DMD: variants seen among roughly 807,000 people sequenced by gnomAD.
The protein encoded by DMD is mutant dystrophin.
DMD carries 63 observed loss-of-function variants against 330.1 expected under a neutral mutation model. The ratio of observed to expected loss-of-function variants is 0.19; its 90% CI spans 0.16 to 0.24. The LOEUF (loss-of-function observed/expected upper bound fraction) is 0.24, where lower values mean the gene tolerates loss of function less well. Among genes scored for constraint, DMD ranks in the 10% least tolerant of loss-of-function variants. The pLI, the probability that DMD is intolerant of heterozygous loss-of-function variation, is 1.00. For synonymous variants in DMD, 1,223 were observed against 959.8 expected (o/e 1.27, Z -5.07); for missense variants, 3,344 against 2,684.1 (o/e 1.25, Z -5.43).
At chrX:33,017,411 A>G (rs755000032) in intron 2 of DMD, among the ~76,000 whole-genome samples, 109 of 111,409 alleles carry the variant, frequency 9.8e-4, no homozygotes, top group Non-Finnish European at 1.9e-3. Context: ...AAAAATGAAT[A>G]TGAGTTAGAT....
intron 1 of DMD, among the ~76,000 whole-genome samples, chrX:33,177,600 G>T (rs1157105482): frequency 9.0e-6 from 1 of 110,685 alleles, no homozygotes; most frequent in Non-Finnish European, 1.9e-5. Context: ...TGGCCAGGTT[G>T]GTCTCGAACT....
intron 1 of DMD, among the ~76,000 whole-genome samples, chrX:33,291,148 G>A (rs2053505270): frequency 9.0e-6 from 1 of 111,322 alleles, no homozygotes; most frequent in South Asian, 3.7e-4. Flanking sequence ...CAGCACCAAT[G>A]ACAAAAACTA....
chrX:31,522,363 C>CTCTCTCTCTCTATATA, intron 55 of DMD, among the ~76,000 whole-genome samples: 11 of 35,962 alleles, frequency 3.1e-4, no homozygotes, highest in Non-Finnish European at 3.8e-4. Context: ...CTCTCTCTCT[C>CTCTCTCTCTCTATATA]TATATATATA....
At chrX:32,507,096 AT>A (rs1392095789) in intron 18 of DMD, among the ~76,000 whole-genome samples, 14 of 112,033 alleles carry the variant, frequency 1.2e-4, no homozygotes, top group African/African-American at 4.2e-4. Context: ...AGGAGAAAAA[AT>A]AAGCACATTT....
chrX:32,829,007 A>T (rs1389249505), intron 4 of DMD, among the ~76,000 whole-genome samples: 2 of 111,601 alleles, frequency 1.8e-5, no homozygotes, highest in Non-Finnish European at 3.8e-5. Flanking sequence ...CTTGGTAAAT[A>T]AGAGATAACA....
chrX:31,803,676 TTCTCTC>T (rs747729240), intron 50 of DMD, among the ~76,000 whole-genome samples: 5 of 87,784 alleles, frequency 5.7e-5, no homozygotes, highest in East Asian at 3.9e-4. Flanking sequence ...CTTTCTCTGT[TTCTCTC>T]TCTCTCTCTC....
chrX:32,272,799 C>T (rs331347), intron 43 of DMD, among the ~76,000 whole-genome samples: 59,321 of 110,958 alleles, frequency 0.53, 12,411 homozygotes, highest in African/African-American at 0.79. Flanking sequence ...AAGGTCCATC[C>T]TACGTGTCCA....
rs1487477401 is a variant in DMD, at chrX:31,478,326, T to G, written c.8717A>C (p.Lys2906Thr). The part of the protein sequence containing the change: ...RAQNVTRLLR[K>T]QAEEVNTEWE... ...CTCAGTATTGACCTCCTCAGCCTGC[T>G]TTCGTAGAAGCCGAGTGACATTCTG... is the stretch of plus-strand genomic sequence containing the variant. Residue 2906 changes from lysine (K) to threonine (T), a missense_variant, in exon 59 of 79, where the codon AAG (lysine) becomes ACG (threonine). Lys to Thr is a moderately conservative substitution (Grantham distance 78). Transcript: ENST00000357033. 8.3e-7 allele frequency: 1 copy of G among 1,211,979 alleles called. No individual in the cohort carries two copies. The highest frequency in any genetic ancestry group is 1.8e-5 in the South Asian group (1 of 57,008).
At chrX:31,626,349 A>G (rs766292137) in intron 55 of DMD, among the ~76,000 whole-genome samples, 1 of 111,876 alleles carries the variant, frequency 8.9e-6, no homozygotes, top group South Asian at 3.7e-4. Flanking sequence ...ATTTTATAAT[A>G]AAATTTTATT....
intron 62 of DMD, among the ~76,000 whole-genome samples, chrX:31,304,153 G>A (rs1362165365): frequency 8.9e-6 from 1 of 111,909 alleles, no homozygotes; most frequent in Non-Finnish European, 1.9e-5. Context: ...TATAACTGAG[G>A]TTAAACAAAA....
intron 63 of DMD, among the ~76,000 whole-genome samples, chrX:31,253,860 T>C (rs2049656067): frequency 8.9e-6 from 1 of 112,093 alleles, no homozygotes. Context: ...TTATGGTTTT[T>C]AAAGACCACT....
intron 59 of DMD, among the ~76,000 whole-genome samples, chrX:31,458,154 G>A: frequency 9.0e-6 from 1 of 111,005 alleles, no homozygotes; most frequent in Non-Finnish European, 1.9e-5. Context: ...CATATTCTGA[G>A]GCTGAAAAGA....
At chrX:32,611,561 C>T (rs1277534610) in intron 12 of DMD, among the ~76,000 whole-genome samples, 1 of 111,822 alleles carries the variant, frequency 8.9e-6, no homozygotes, top group African/African-American at 3.2e-5. Context: ...AACTACAAAA[C>T]ATTTCAGGTA....
chrX:32,256,313 T>G (rs1281587978), intron 43 of DMD, among the ~76,000 whole-genome samples: 1 of 56,585 alleles, frequency 1.8e-5, no homozygotes, highest in Non-Finnish European at 3.6e-5. Context: ...GTAACCCCTG[T>G]TTTTTTTTTT....
At chrX:33,086,383 T>A (rs994936633) in intron 1 of DMD, among the ~76,000 whole-genome samples, 1 of 112,089 alleles carries the variant, frequency 8.9e-6, no homozygotes, top group African/African-American at 3.2e-5. Flanking sequence ...AAAAATAAAA[T>A]ACTTTTTTGT....
intron 55 of DMD, among the ~76,000 whole-genome samples, chrX:31,580,326 C>T (rs1243006206): frequency 9.0e-6 from 1 of 111,674 alleles, no homozygotes; most frequent in African/African-American, 3.3e-5. Context: ...GTTTGCACTT[C>T]CACTCTTCAC....
intron 62 of DMD, among the ~76,000 whole-genome samples, chrX:31,304,089 C>A: frequency 8.9e-6 from 1 of 112,156 alleles, no homozygotes. Context: ...AGCATTTTAG[C>A]ATTTGTGAGA....
intron 25 of DMD, among the ~76,000 whole-genome samples, chrX:32,456,815 T>G (rs139001351): frequency 5.3e-4 from 58 of 108,590 alleles, no homozygotes; most frequent in African/African-American, 1.8e-3. Context: ...ACAGGCAAAT[T>G]TCTAGGGTAG....
chrX:33,199,308 A>T (rs2051135367), intron 1 of DMD, among the ~76,000 whole-genome samples: 1 of 111,381 alleles, frequency 9.0e-6, no homozygotes, highest in Non-Finnish European at 1.9e-5. Flanking sequence ...GAAGTGGATG[A>T]AAATATATTA....
Sources: allele counts gnomAD v4.1 joint callset (sites outside exome capture counted in the v4.1 genomes callset), GRCh38; gene constraint gnomAD v4.1.1; transcripts MANE v1.5; gene names NCBI Gene and HGNC (gene_info 2026-07-23, HGNC 2026-07-21).